The following STPG1 variants were observed in gnomAD, a reference collection of about 807,000 sequenced individuals.
STPG1 encodes the protein sperm tail PG-rich repeat containing 1.
A neutral mutation model predicts 40.1 loss-of-function variants in STPG1; 33 were observed. The ratio of observed to expected loss-of-function variants is 0.82; its 90% CI spans 0.62 to 1.10. The LOEUF is 1.10. Among genes scored for constraint, STPG1 ranks in the 50% least tolerant of loss-of-function variants. The pLI, the probability that STPG1 is intolerant of heterozygous loss-of-function variation, is 0.00. For synonymous variants in STPG1, 150 were observed against 155.0 expected (o/e 0.97, Z 0.24); for missense variants, 396 against 415.1 (o/e 0.95, Z 0.40).
chr1:24,364,597 A>G (rs1641334839), intron 7 of STPG1: 1 of 670,250 alleles, frequency 1.5e-6, no homozygotes. Flanking sequence ...GTGCAGAGAA[A>G]AGCAGAGGGC....
At chr1:24,383,076 T>C (rs759386541) in intron 4 of STPG1, among the ~76,000 whole-genome samples, 10 of 152,040 alleles carry the variant, frequency 6.6e-5, no homozygotes, top group Non-Finnish European at 1.2e-4. Flanking sequence ...CACTCCTGGC[T>C]AATTTTTAAA....
chr1:24,373,776 A>G lies in STPG1; in HGVS notation c.497T>C (p.Val166Ala), dbSNP rs775023856. Residue 166 changes from valine to alanine, a missense_variant, in exon 6 of 9, where the codon GTC becomes GCC. Transcript: ENST00000337248. ...SVSCCKQRNN[V>A]CTRAGFMSKT... ...TGACATAAACCCGGCTCGAGTACAG[A>G]CGTTGTTTCTCTGCTTGCAGCAAGA... 3 of 1,610,624 alleles carry G rather than the reference A, an allele frequency of 1.9e-6. No homozygotes were observed. The highest frequency in any genetic ancestry group is 2.5e-6 in the Non-Finnish European group (3 of 1,176,964).
chr1:24,395,461 C>T, intron 2 of STPG1, among the ~76,000 whole-genome samples: 2 of 133,322 alleles, frequency 1.5e-5, no homozygotes, highest in African/African-American at 5.9e-5. Context: ...TAGACGGAGT[C>T]TCGTTCTTGC....
chr1:24,367,669 C>T (rs1410069744), intron 7 of STPG1, among the ~76,000 whole-genome samples: 1 of 152,138 alleles, frequency 6.6e-6, no homozygotes, highest in Non-Finnish European at 1.5e-5. Context: ...CAGGCGCCCT[C>T]CACCACGCCC....
intron 5 of STPG1, among the ~76,000 whole-genome samples, chr1:24,376,696 C>T (rs1166623265): frequency 1.3e-5 from 2 of 152,120 alleles, no homozygotes; most frequent in African/African-American, 2.4e-5. Flanking sequence ...GAAACACTGA[C>T]GGCAGCATCC....
chr1:24,391,026 C>G (rs992270839), intron 3 of STPG1, among the ~76,000 whole-genome samples: 1 of 151,896 alleles, frequency 6.6e-6, no homozygotes, highest in African/African-American at 2.4e-5. Flanking sequence ...GCTATGTTGC[C>G]TGGGCTGATC....
At chr1:24,380,599 A>G (rs1642238804) in intron 4 of STPG1, among the ~76,000 whole-genome samples, 1 of 152,238 alleles carries the variant, frequency 6.6e-6, no homozygotes, top group Admixed American at 6.5e-5. Context: ...AGGAATCAAT[A>G]ACTACACAAA....
chr1:24,381,327 G>A (rs1012298924), intron 4 of STPG1, among the ~76,000 whole-genome samples: 2 of 152,218 alleles, frequency 1.3e-5, no homozygotes. Context: ...GTTTTATAAA[G>A]TATCGTAATA....
At chr1:24,369,185 C>A (rs927735950) in intron 7 of STPG1, 3 of 365,396 alleles carry the variant, frequency 8.2e-6, no homozygotes, top group Admixed American at 4.0e-5. Flanking sequence ...AGGGCTTAAA[C>A]TTCCATCGGT....
rs1640768031 is a variant in STPG1, at chr1:24,357,110, T to C, written c.*1433A>G. 1 of 140,396 alleles carries C rather than the reference T, an allele frequency of 7.1e-6. No homozygotes were observed. The highest frequency in any genetic ancestry group is 1.5e-5 in the Non-Finnish European group (1 of 65,298). 8.7% of individuals were successfully genotyped at this position (140,396 alleles called of 1,614,324 possible). A position where few individuals can be genotyped will look rare whatever the true frequency, so the allele number is the denominator to read the frequency against. ...ATCACAGTTTTAAAGACAGGATTCG[T>C]ATTACTGATGTTTCCTTTTGCCTCG... On this transcript the variant is annotated 3_prime_UTR_variant, in exon 9 of 9. Coordinates refer to ENST00000337248, the MANE Select transcript of STPG1 (RefSeq NM_001199013.2).
intron 5 of STPG1, among the ~76,000 whole-genome samples, chr1:24,374,951 A>G (rs1054859819): frequency 1.3e-5 from 2 of 152,172 alleles, no homozygotes; most frequent in Non-Finnish European, 2.9e-5. Flanking sequence ...TGTTTTCAGG[A>G]CACGTAGTCC....
In STPG1 at chr1:24,401,403, G is replaced by C. The variant is rs762535723; in HGVS notation, c.-15C>G. On this transcript the variant is annotated 5_prime_UTR_variant, in exon 2 of 9. Transcript: ENST00000337248. The stretch of plus-strand genomic sequence containing the variant: ...GAGTTGTCCATGTTAGCAAAATTCT[G>C]TGACGTGTTCCATTTGTTTGATGAA... 3.7e-6 allele frequency: 6 copies of C among 1,613,020 alleles called. No homozygotes were observed. The highest frequency in any genetic ancestry group is 5.1e-6 in the Non-Finnish European group (6 of 1,179,368).
At chr1:24,389,921 T>C (rs1642689603) in intron 3 of STPG1, among the ~76,000 whole-genome samples, 1 of 152,256 alleles carries the variant, frequency 6.6e-6, no homozygotes, top group Non-Finnish European at 1.5e-5. Context: ...TTATTTGCTT[T>C]CTTAGAATCC....
chr1:24,360,321 T>C (rs1265955266), intron 8 of STPG1, among the ~76,000 whole-genome samples: 1 of 152,136 alleles, frequency 6.6e-6, no homozygotes, highest in Non-Finnish European at 1.5e-5. Flanking sequence ...TGGTGGCATG[T>C]ACCTGTAATT....
chr1:24,366,761 C>T (rs892666886), intron 7 of STPG1, among the ~76,000 whole-genome samples: 26 of 152,040 alleles, frequency 1.7e-4, no homozygotes, highest in Non-Finnish European at 2.9e-5. Flanking sequence ...AAATGAAGAC[C>T]CAGAGAGGTG....
chr1:24,366,615 C>A (rs992666973), intron 7 of STPG1, among the ~76,000 whole-genome samples: 1 of 152,160 alleles, frequency 6.6e-6, no homozygotes, highest in Admixed American at 6.5e-5. Flanking sequence ...TTTTAAAATA[C>A]ATAATCTGGA....
intron 3 of STPG1, among the ~76,000 whole-genome samples, chr1:24,384,428 C>T (rs1642417901): frequency 6.6e-6 from 1 of 152,208 alleles, no homozygotes; most frequent in Non-Finnish European, 1.5e-5. Context: ...ACTCAGCTTC[C>T]TCCTCAGCCT....
intron 1 of STPG1, among the ~76,000 whole-genome samples, chr1:24,409,767 T>A (rs1044384455): frequency 3.9e-5 from 6 of 152,188 alleles, no homozygotes; most frequent in Non-Finnish European, 8.8e-5. Context: ...TTAGTAGCCA[T>A]CTCGATTGTC....
rs367604358 is a variant in STPG1 at position 24,358,626 on chromosome 1, G to C, written c.929-7C>G. On this transcript the variant is annotated splice_polypyrimidine_tract_variant and splice_region_variant and intron_variant, in intron 8 of 8. Transcript: ENST00000337248. The stretch of plus-strand genomic sequence containing the variant: ...AGCTCTGGCTTGTACGTAGCTGTGA[G>C]GGGACAGAGAGGCGGAGGCATTAAG... The C allele has an allele frequency of 1.2e-6, 2 of 1,610,230 alleles. No homozygotes were observed. Among genetic ancestry groups the C allele is most frequent in the Non-Finnish European group, 1.7e-6 (2 of 1,176,638 alleles).
Sources: gnomAD v4.1 joint callset for allele counts (sites outside exome capture counted in the v4.1 genomes callset) on GRCh38, gnomAD v4.1.1 for gene constraint, MANE v1.5 for transcripts, NCBI Gene and HGNC (gene_info 2026-07-23, HGNC 2026-07-21) for gene names.